Variants in PTPRN2 observed in about 807,000 individuals in gnomAD.
PTPRN2 encodes the protein receptor-type tyrosine-protein phosphatase N2.
In PTPRN2, 74 loss-of-function variants were observed where a neutral mutation model predicts 118.8. That is an observed-to-expected ratio of 0.62 (90% CI 0.52 to 0.76). The LOEUF (loss-of-function observed/expected upper bound fraction) is 0.76. PTPRN2 is among the 30% of genes least tolerant of loss of function. The probability of loss-of-function intolerance (pLI) is 0.00; values close to 1 mark genes in which losing one functional copy is unlikely to be tolerated. For synonymous variants in PTPRN2, 641 were observed against 608.0 expected (o/e 1.05, Z -0.80); for missense variants, 1,481 against 1,394.4 (o/e 1.06, Z -0.99).
At chr7:158,240,707 G>A (rs1194573455) in intron 3 of PTPRN2, among the ~76,000 whole-genome samples, 8 of 152,252 alleles carry the variant, frequency 5.3e-5, no homozygotes, top group Non-Finnish European at 1.0e-4. Flanking sequence ...GGGATTACAG[G>A]TGTGGCCACT....
At chr7:157,714,321 ACTACCTGTGG>A (rs1798797443) in intron 12 of PTPRN2, among the ~76,000 whole-genome samples, 1 of 152,256 alleles carries the variant, frequency 6.6e-6, no homozygotes, top group South Asian at 2.1e-4. Context: ...TTGATGAGTT[ACTACCTGTGG>A]GGTGGCACCT....
At position 157,926,995 on chromosome 7, in the gene PTPRN2, G is replaced by A. The variant is rs938876086; in HGVS notation, c.1724-28258C>T. 9.2e-5 allele frequency among the ~76,000 whole-genome samples: 13 copies of A among 141,618 alleles called. No homozygotes were observed. The South Asian group carries it at 1.6e-3, about 18-fold the overall frequency. 92.9% of individuals were successfully genotyped at this position (141,618 alleles called of 152,430 possible). On this transcript the variant is annotated intron_variant, in intron 11 of 22. Transcript: ENST00000389418. Reference sequence around the variant, plus strand: ...GGAAGCCCCAGGGACCCGTCTGAGAGCAGAGGCCTCGCGTCTTCTGGGACC... The same window carrying A: ...GGAAGCCCCAGGGACCCGTCTGAGAACAGAGGCCTCGCGTCTTCTGGGACC...
chr7:158,071,411 GCTCCTGGTGGT>G (rs1811577922), intron 11 of PTPRN2, among the ~76,000 whole-genome samples: 1 of 109,430 alleles, frequency 9.1e-6, no homozygotes, highest in Non-Finnish European at 2.0e-5. Context: ...TGGTGGAGTT[GCTCCTGGTGGT>G]GGAGGTGCTC....
rs1433477423 is a variant in PTPRN2, at chr7:157,615,893, C to T, written c.2344+5469G>A. 4 of 325,470 alleles carry T rather than the reference C, an allele frequency of 1.2e-5. No homozygotes were observed. Among genetic ancestry groups the T allele is most frequent in the East Asian group, 8.2e-5 (1 of 12,184 alleles). The allele number at this position is 325,470 out of a possible 1,614,324, so 20.2% of individuals were successfully genotyped here. Reference sequence around the variant, plus strand: ...AAAAGACTCTGGATGTTAGTGGGTTCGGCCTCAGAATCAGCCGGCGCTGAG... The same window carrying T: ...AAAAGACTCTGGATGTTAGTGGGTTTGGCCTCAGAATCAGCCGGCGCTGAG... On this transcript the variant is annotated intron_variant, in intron 15 of 22. Coordinates refer to ENST00000389418, the MANE Select transcript of PTPRN2 (RefSeq NM_002847.5). This position sits in a 1 kb window ranked among gnomAD's most constrained non-coding sequence, Gnocchi z 4.3.
intron 1 of PTPRN2, among the ~76,000 whole-genome samples, 154 bp downstream of exon 1, chr7:158,587,404 G>T (rs1254436516): frequency 2.8e-4 from 9 of 32,168 alleles, no homozygotes; most frequent in African/African-American, 9.4e-4. Flanking sequence ...CTGAGGCGCC[G>T]CCCCTCCCCC....
chr7:158,586,731 C>T (rs1828944481), intron 1 of PTPRN2, among the ~76,000 whole-genome samples: 1 of 152,206 alleles, frequency 6.6e-6, no homozygotes, highest in Non-Finnish European at 1.5e-5. Context: ...GAAAAATGTC[C>T]TCTGATTTCG....
intron 4 of PTPRN2, among the ~76,000 whole-genome samples, chr7:158,200,388 G>A (rs755691506): frequency 3.3e-5 from 5 of 152,152 alleles, no homozygotes; most frequent in Non-Finnish European, 7.3e-5. Context: ...CGCAGCCCCC[G>A]TGTGCTAAGC....
At chr7:158,423,741 C>T (rs892848262) in intron 2 of PTPRN2, among the ~76,000 whole-genome samples, 9 of 129,406 alleles carry the variant, frequency 7.0e-5, no homozygotes, top group African/African-American at 2.3e-4. Context: ...AAACTCCTGA[C>T]CTCAAGTGTT....
At chr7:157,713,690 C>T (rs895076259) in intron 12 of PTPRN2, among the ~76,000 whole-genome samples, 8 of 152,190 alleles carry the variant, frequency 5.3e-5, no homozygotes, top group South Asian at 4.1e-4. Flanking sequence ...GAATGTTTGT[C>T]CAACTCTCTT....
chr7:157,882,995 A>T (rs1796236010), intron 12 of PTPRN2, among the ~76,000 whole-genome samples: 1 of 151,876 alleles, frequency 6.6e-6, no homozygotes, highest in Non-Finnish European at 1.5e-5. Context: ...TGCCACCCCA[A>T]AAATGACTGT....
At chr7:157,891,642 T>C (rs754278745) in intron 12 of PTPRN2, among the ~76,000 whole-genome samples, 37 of 152,014 alleles carry the variant, frequency 2.4e-4, no homozygotes, top group Admixed American at 4.6e-4. Context: ...TTCATAGACT[T>C]TTAAGGGACT....
intron 2 of PTPRN2, among the ~76,000 whole-genome samples, chr7:158,450,680 G>C (rs557808581): frequency 6.6e-6 from 1 of 152,144 alleles, no homozygotes; most frequent in Non-Finnish European, 1.5e-5. Context: ...GATGATCCGA[G>C]TCGCCCCGTC....
At chr7:158,039,994 A>G (rs1266456192) in intron 11 of PTPRN2, among the ~76,000 whole-genome samples, 1 of 152,144 alleles carries the variant, frequency 6.6e-6, no homozygotes, top group Non-Finnish European at 1.5e-5. Flanking sequence ...TCATTGGTAG[A>G]GCAGACATAG....
At chr7:157,797,879 G>A (rs1804970295) in intron 12 of PTPRN2, among the ~76,000 whole-genome samples, 1 of 152,230 alleles carries the variant, frequency 6.6e-6, no homozygotes. Flanking sequence ...AACCTCCAGA[G>A]GCCCCGCAGC....
At position 157,984,503 on chromosome 7, in the gene PTPRN2, G is replaced by A. The variant is rs775107363; in HGVS notation, c.1724-85766C>T. Among the ~76,000 whole-genome samples, 21 of 148,052 alleles carry A rather than the reference G, an allele frequency of 1.4e-4. 2 individuals carry two copies. Among genetic ancestry groups the A allele is most frequent in the Non-Finnish European group, 2.4e-4 (16 of 67,192 alleles). On this transcript the variant is annotated intron_variant, in intron 11 of 22. Transcript: ENST00000389418. The stretch of plus-strand genomic sequence containing the variant: ...ACGCCAGGCTCCACCCAAGCCAGCG[G>A]CACCGGTTCTGGCTGGAAGGTTCCC...
intron 1 of PTPRN2, among the ~76,000 whole-genome samples, chr7:158,573,418 G>C (rs1188173649): frequency 6.6e-6 from 1 of 152,192 alleles, no homozygotes. Flanking sequence ...AAAATAAAGA[G>C]TCAGCATAGG....
chr7:158,073,657 A>T (rs1812118180), intron 11 of PTPRN2, among the ~76,000 whole-genome samples: 2 of 150,304 alleles, frequency 1.3e-5, no homozygotes, highest in South Asian at 4.1e-4. Context: ...CTAAGGTATA[A>T]AGACACTACC....
chr7:158,298,012 G>C (rs1225163086), intron 3 of PTPRN2, among the ~76,000 whole-genome samples: 1 of 152,052 alleles, frequency 6.6e-6, no homozygotes, highest in African/African-American at 2.4e-5. Flanking sequence ...AAATTTCTTA[G>C]AACAAAGTCA....
intron 11 of PTPRN2, among the ~76,000 whole-genome samples, chr7:158,077,241 T>C (rs554417112): frequency 6.6e-6 from 1 of 152,172 alleles, no homozygotes; most frequent in South Asian, 2.1e-4. Context: ...ACCCGCTACA[T>C]ATGAGACGTG....
Sources: allele counts gnomAD v4.1 joint callset (sites outside exome capture counted in the v4.1 genomes callset), GRCh38; gene constraint gnomAD v4.1.1; non-coding constraint Gnocchi (gnomAD v3.1); transcripts MANE v1.5; gene names NCBI Gene and HGNC (gene_info 2026-07-23, HGNC 2026-07-21).